The following ADAMTS18 variants were observed in gnomAD, a reference collection of about 807,000 sequenced individuals.
The protein encoded by ADAMTS18 is ADAM metallopeptidase with thrombospondin type 1 motif 18, also known as A disintegrin and metalloproteinase with thrombospondin motifs 18.
A neutral mutation model predicts 165.9 loss-of-function variants in ADAMTS18; 157 were observed. That is an observed-to-expected ratio of 0.95 (90% CI 0.83 to 1.08). The LOEUF (loss-of-function observed/expected upper bound fraction) is 1.08, where lower values mean the gene tolerates loss of function less well. Ranked by LOEUF, ADAMTS18 falls within the 50% of genes least tolerant of loss-of-function variation. The pLI is 0.00. For synonymous variants in ADAMTS18, 782 were observed against 578.2 expected, an observed-to-expected ratio of 1.35 and a Z score of -5.06; for missense variants, 2,040 against 1,534.0, an observed-to-expected ratio of 1.33 and a Z score of -5.51.
At chr16:77,370,371 A>G (rs1251059774) in intron 3 of ADAMTS18, among the ~76,000 whole-genome samples, 1 of 152,200 alleles carries the variant, frequency 6.6e-6, no homozygotes, top group African/African-American at 2.4e-5. Flanking sequence ...AGAATAGAGG[A>G]ACACAGTAGA....
chr16:77,331,931 G>A (rs369666244), intron 12 of ADAMTS18, among the ~76,000 whole-genome samples: 1 of 152,194 alleles, frequency 6.6e-6, no homozygotes, highest in African/African-American at 2.4e-5. Flanking sequence ...TGACTCAAAT[G>A]AAGTACCATT....
At chr16:77,312,453 G>A (rs574856364) in intron 16 of ADAMTS18, among the ~76,000 whole-genome samples, 3 of 152,078 alleles carry the variant, frequency 2.0e-5, no homozygotes, top group South Asian at 2.1e-4. Flanking sequence ...GGCTGGGCTG[G>A]TCTCGAACTC....
intron 16 of ADAMTS18, among the ~76,000 whole-genome samples, chr16:77,312,062 G>A (rs1194751898): frequency 1.3e-5 from 2 of 151,930 alleles, no homozygotes; most frequent in East Asian, 1.9e-4. Flanking sequence ...TCGTTTTTAT[G>A]ATTTTATTTA....
chr16:77,428,391 A>G (rs927814111), intron 3 of ADAMTS18, among the ~76,000 whole-genome samples: 2 of 152,212 alleles, frequency 1.3e-5, no homozygotes, highest in Non-Finnish European at 2.9e-5. Context: ...GAAGCTGAGC[A>G]ATGTCTAAGA....
intron 3 of ADAMTS18, among the ~76,000 whole-genome samples, chr16:77,404,331 C>G (rs188502400): frequency 9.5e-4 from 145 of 152,208 alleles, no homozygotes; most frequent in African/African-American, 3.2e-3. Flanking sequence ...TGGAGGATAC[C>G]TTTTCAGGGT....
chr16:77,331,220 A>G (rs772864300), intron 12 of ADAMTS18, among the ~76,000 whole-genome samples: 2 of 152,144 alleles, frequency 1.3e-5, no homozygotes, highest in African/African-American at 4.8e-5. Context: ...GATATGAGAG[A>G]GGTTTTAATT....
intron 11 of ADAMTS18, among the ~76,000 whole-genome samples, chr16:77,336,487 C>G (rs1234965013): frequency 6.6e-6 from 1 of 152,202 alleles, no homozygotes; most frequent in African/African-American, 2.4e-5. Context: ...TCTTACAAAG[C>G]TGAACAACTC....
At chr16:77,385,073 T>C (rs1372077324) in intron 3 of ADAMTS18, among the ~76,000 whole-genome samples, 1 of 151,986 alleles carries the variant, frequency 6.6e-6, no homozygotes, top group Non-Finnish European at 1.5e-5. Flanking sequence ...CATGCCTGTC[T>C]AATTTTTGGA....
At chr16:77,308,652 G>A (rs1292155522) in intron 16 of ADAMTS18, among the ~76,000 whole-genome samples, 2 of 151,190 alleles carry the variant, frequency 1.3e-5, no homozygotes, top group Non-Finnish European at 2.9e-5. Context: ...TATGAAACAG[G>A]CCTTTTCCAT....
chr16:77,371,843 A>T (rs1427152275), intron 3 of ADAMTS18, among the ~76,000 whole-genome samples: 1 of 152,222 alleles, frequency 6.6e-6, no homozygotes, highest in Admixed American at 6.5e-5. Context: ...CAACCCACAG[A>T]TGGAGAAAAT....
At chr16:77,430,518 A>T (rs144880617) in intron 3 of ADAMTS18, among the ~76,000 whole-genome samples, 148 of 152,284 alleles carry the variant, frequency 9.7e-4, no homozygotes, top group African/African-American at 3.2e-3. Context: ...GAGCACAATC[A>T]CCATGTGTCT....
At chr16:77,352,209 T>C (rs2056566161) in intron 10 of ADAMTS18, among the ~76,000 whole-genome samples, 1 of 152,200 alleles carries the variant, frequency 6.6e-6, no homozygotes, top group South Asian at 2.1e-4. Context: ...TTGATGAATA[T>C]TATTTCTTCG....
rs183849485 is a variant in ADAMTS18 at position 77,305,752 on chromosome 16, T to C, written c.2533-5348A>G. Among the ~76,000 whole-genome samples the C allele has an allele frequency of 3.3e-5, 5 of 152,308 alleles. No homozygotes were observed. The East Asian group carries it at 9.7e-4, about 29-fold the overall frequency. On this transcript the variant is annotated intron_variant, in intron 16 of 22. Transcript: ENST00000282849. ...ACGTGCTTTAGTGTGTCCATCACCA[T>C]CAACCAAACCACAGACAGCCTCTCC... is the stretch of plus-strand genomic sequence containing the variant.
chr16:77,355,970 C>T lies in ADAMTS18; in HGVS notation c.1430G>A (p.Cys477Tyr). The T allele has an allele frequency of 6.2e-7, 1 of 1,614,044 alleles. No homozygotes were observed. The highest frequency in any genetic ancestry group is 1.1e-5 in the South Asian group (1 of 91,078). The change falls in exon 9 of 23, where the codon TGC (cysteine) becomes TAC (tyrosine). Residue 477 changes from cysteine to tyrosine, a missense_variant. Coordinates refer to ENST00000282849, the MANE Select transcript of ADAMTS18 (RefSeq NM_199355.4). Reference sequence around the variant, plus strand: ...GAATTTCTTGAGATACTGGCGGCTGCAGGAAGACCATGAAAACACTCCATT... The same window carrying T: ...GAATTTCTTGAGATACTGGCGGCTGTAGGAAGACCATGAAAACACTCCATT... ...GNNGVFSWSS[C>Y]SRQYLKKFLS...
chr16:77,431,659 A>C (rs1193425180), intron 2 of ADAMTS18, 48 bp from the exon 3 acceptor site: 5 of 1,595,448 alleles, frequency 3.1e-6, no homozygotes, highest in Non-Finnish European at 4.3e-6. Flanking sequence ...CCACAATTCC[A>C]AATGGTCTCT....
chr16:77,418,978 G>A (rs1428633505), intron 3 of ADAMTS18, among the ~76,000 whole-genome samples: 3 of 152,082 alleles, frequency 2.0e-5, no homozygotes, highest in Non-Finnish European at 4.4e-5. Flanking sequence ...GTGAAACACC[G>A]TCTCTACTAA....
At chr16:77,385,037 T>C (rs2057087185) in intron 3 of ADAMTS18, among the ~76,000 whole-genome samples, 1 of 151,784 alleles carries the variant, frequency 6.6e-6, no homozygotes, top group African/African-American at 2.4e-5. Context: ...GCCTCCCAAG[T>C]AGCTGGGATT....
chr16:77,339,906 C>T (rs2562109), intron 11 of ADAMTS18, among the ~76,000 whole-genome samples: 131,172 of 152,088 alleles, frequency 0.86, 56,735 homozygotes, highest in East Asian at 0.94. Flanking sequence ...TAACAAATAT[C>T]AGAAATCTGT....
chr16:77,398,841 T>G (rs1046314205), intron 3 of ADAMTS18, among the ~76,000 whole-genome samples: 1 of 152,046 alleles, frequency 6.6e-6, no homozygotes, highest in Non-Finnish European at 1.5e-5. Flanking sequence ...TGTTAAGAAG[T>G]GTAAGTTTAA....
Sources: gnomAD v4.1 joint callset for allele counts (sites outside exome capture counted in the v4.1 genomes callset) on GRCh38, gnomAD v4.1.1 for gene constraint, MANE v1.5 for transcripts, NCBI Gene and HGNC (gene_info 2026-07-23, HGNC 2026-07-21) for gene names.